The following ADARB1 variants were observed in gnomAD, a reference collection of about 807,000 sequenced individuals.
The protein encoded by ADARB1 is double-stranded RNA-specific editase 1.
Under a neutral mutation model 52.4 loss-of-function variants are expected in ADARB1, and 10 were observed. The ratio of observed to expected loss-of-function variants is 0.19; its 90% confidence interval spans 0.12 to 0.32. The LOEUF is 0.32. ADARB1 is among the 10% of genes least tolerant of loss of function. The probability of loss-of-function intolerance (pLI) is 1.00; values close to 1 mark genes in which losing one functional copy is unlikely to be tolerated. For synonymous variants in ADARB1, 349 were observed against 371.1 expected (o/e 0.94, Z 0.68); for missense variants, 643 against 922.3 (o/e 0.70, Z 3.92).
At chr21:45,136,702 C>T (rs527897334) in intron 2 of ADARB1, among the ~76,000 whole-genome samples, 6 of 152,344 alleles carry the variant, frequency 3.9e-5, no homozygotes, top group Admixed American at 2.0e-4. Flanking sequence ...AGGGGTGTCC[C>T]CGCACCCAGA....
Position 45,204,460 on chromosome 21 carries a change from T to G in ADARB1, c.1566-95T>G, listed in dbSNP as rs990956299. The G allele has an allele frequency of 3.3e-5, 41 of 1,229,130 alleles. No individual in the cohort carries two copies. The Middle Eastern group carries it at 1.1e-3, about 33-fold the overall frequency. 76.1% of individuals were successfully genotyped at this position (1,229,130 alleles called of 1,614,324 possible). A position where few individuals can be genotyped will look rare whatever the true frequency, so the allele number is the denominator to read the frequency against. On this transcript the variant is annotated intron_variant, in intron 8 of 10. Transcript: ENST00000348831. The surrounding 1 kb of genome is among the most constrained non-coding windows in gnomAD (Gnocchi z 4.4). ...GTCAGTTGGTTGGGATCCTGCGGAA[T>G]TGCCAGTGCATCCCTGTAACCACGC...
chr21:45,182,481 CTGAAAAGT>C, intron 5 of ADARB1, 96 bp from the exon 6 acceptor site: 1 of 1,306,980 alleles, frequency 7.7e-7, no homozygotes, highest in Non-Finnish European at 1.0e-6. Context: ...CTGTTGGCCC[CTGAAAAGT>C]TAAGTCACTG....
In ADARB1 at chr21:45,223,726, C is replaced by T. The variant is rs916179393; in HGVS notation, c.*1529C>T. 5 of 985,488 alleles carry T rather than the reference C, an allele frequency of 5.1e-6. No individual in the cohort carries two copies. The South Asian group carries it at 1.9e-4, about 37-fold the overall frequency. 61.0% of individuals were successfully genotyped at this position (985,488 alleles called of 1,614,324 possible). ...GGGGCAGAGGGGCGTCATCCTCCCA[C>T]CGGACGCTGGGAGCTCAGACCCCAA... On this transcript the variant is annotated 3_prime_UTR_variant, in exon 11 of 11. Transcript: ENST00000348831.
intron 1 of ADARB1, among the ~76,000 whole-genome samples, chr21:45,095,988 G>A (rs780365650): frequency 1.3e-5 from 2 of 152,194 alleles, no homozygotes; most frequent in Non-Finnish European, 2.9e-5. Context: ...TGAGAGAGCC[G>A]CACACACTGT....
chr21:45,121,701 A>T (rs1008778331), intron 1 of ADARB1, among the ~76,000 whole-genome samples: 1 of 151,976 alleles, frequency 6.6e-6, no homozygotes, highest in Non-Finnish European at 1.5e-5. Flanking sequence ...AAACCTGTCC[A>T]CTGAGCTTTT....
At chr21:45,173,430 A>G (rs1569114533) in intron 3 of ADARB1, among the ~76,000 whole-genome samples, 1 of 152,164 alleles carries the variant, frequency 6.6e-6, no homozygotes, top group African/African-American at 2.4e-5. Context: ...GTAGTATTTC[A>G]GTGTGCCCCT....
chr21:45,210,258 A>G (rs924124562), intron 9 of ADARB1, among the ~76,000 whole-genome samples: 1 of 152,200 alleles, frequency 6.6e-6, no homozygotes, highest in Non-Finnish European at 1.5e-5. Context: ...TCCTGAAAGG[A>G]ATTGAGCTCC....
chr21:45,175,602 C>A, intron 3 of ADARB1, 128 bp from the exon 4 acceptor site: 1 of 942,120 alleles, frequency 1.1e-6, no homozygotes, highest in Non-Finnish European at 1.6e-6. Context: ...ATGTATACAT[C>A]AAGGAATAAA....
chr21:45,176,847 G>A lies in ADARB1; in HGVS notation c.963+183G>A, dbSNP rs764848132. Among the ~76,000 whole-genome samples, 1 of 152,146 alleles carries A rather than the reference G, an allele frequency of 6.6e-6. No individual in the cohort carries two copies. Among genetic ancestry groups the A allele is most frequent in the African/African-American group, 2.4e-5 (1 of 41,414 alleles). The stretch of plus-strand genomic sequence containing the variant: ...ATGGCCATGTGGCCACTGAGAAGCC[G>A]TCTGCATCCTAGTGCATGCTGGGTC... On this transcript the variant is annotated intron_variant, in intron 4 of 10. Coordinates refer to ENST00000348831, the MANE Select transcript of ADARB1 (RefSeq NM_001112.4). The surrounding 1 kb of genome is among the most constrained non-coding windows in gnomAD (Gnocchi z 5.8).
intron 1 of ADARB1, among the ~76,000 whole-genome samples, chr21:45,097,680 G>A (rs1156828036): frequency 1.3e-5 from 2 of 152,166 alleles, no homozygotes; most frequent in Non-Finnish European, 2.9e-5. Flanking sequence ...CTGGACAGCT[G>A]GGAGGGAGCC....
Position 45,222,021 on chromosome 21 carries a change from C to T in ADARB1, c.1930C>T (p.Pro644Ser). Reference sequence around the variant, plus strand: ...TTGTTTTTTTATCCCTTCACAGGTTCCCTCCCACTTACTACGCTCCAAGAT... The same window carrying T: ...TTGTTTTTTTATCCCTTCACAGGTTTCCTCCCACTTACTACGCTCCAAGAT... ...CRWMRVHGKV[P>S]SHLLRSKITK... is the part of the protein sequence containing the mutation. The change falls in exon 11 of 11, where the codon CCC becomes TCC. Residue 644 changes from proline (P) to serine (S), a missense_variant. By Grantham distance (74) the Pro-to-Ser change is moderately conservative (BLOSUM62 -1). This residue lies in a region of ADARB1 where 263 missense variants were observed against 475.8 expected (regional missense o/e 0.55). Coordinates refer to ENST00000348831, the MANE Select transcript of ADARB1 (RefSeq NM_001112.4). The T allele has an allele frequency of 6.2e-7, 1 of 1,613,532 alleles. No homozygotes were observed.
In ADARB1 at chr21:45,200,998, G is replaced by A. The variant is rs979456635; in HGVS notation, c.1566-3557G>A. Among the ~76,000 whole-genome samples, 2 of 152,230 alleles carry A rather than the reference G, an allele frequency of 1.3e-5. No homozygotes were observed. The highest frequency in any genetic ancestry group is 4.8e-5 in the African/African-American group (2 of 41,450). On this transcript the variant is annotated intron_variant, in intron 8 of 10. Coordinates refer to ENST00000348831, the MANE Select transcript of ADARB1 (RefSeq NM_001112.4). The surrounding 1 kb of genome is among the most constrained non-coding windows in gnomAD (Gnocchi z 5.0). ...CAGGCACAGATGCCTAGACCCGGGT[G>A]CACTGAGCCGAGGCCATGCTGTGAG...
chr21:45,195,114 G>A (rs769699173), intron 8 of ADARB1, among the ~76,000 whole-genome samples: 28 of 152,318 alleles, frequency 1.8e-4, no homozygotes, highest in Admixed American at 1.3e-3. Flanking sequence ...TAATACACAT[G>A]TAGTAGTATC....
At chr21:45,174,865 T>A (rs1339686344) in intron 3 of ADARB1, among the ~76,000 whole-genome samples, 3 of 152,210 alleles carry the variant, frequency 2.0e-5, no homozygotes, top group Non-Finnish European at 2.9e-5. Context: ...TTCTGGAAAT[T>A]CATCAAATAA....
rs144279190 is a variant in ADARB1 at position 45,188,858 on chromosome 21, C to T, written c.1565+3767C>T. ...ATTTTCATTGCTGATAAAGACATACCTGAGACTGGGCAATTTACAAAAGAA... is the reference window on the plus strand; with the variant it reads ...ATTTTCATTGCTGATAAAGACATACTTGAGACTGGGCAATTTACAAAAGAA... On this transcript the variant is annotated intron_variant, in intron 8 of 10. Transcript: ENST00000348831. 3.5e-3 allele frequency among the ~76,000 whole-genome samples: 530 copies of T among 152,084 alleles called. 4 individuals are homozygous for T. Among genetic ancestry groups the T allele is most frequent in the African/African-American group, 0.012 (485 of 41,472 alleles).
At chr21:45,189,910 G>T (rs1190042629) in intron 8 of ADARB1, among the ~76,000 whole-genome samples, 1 of 152,058 alleles carries the variant, frequency 6.6e-6, no homozygotes, top group East Asian at 1.9e-4. Context: ...TGATTAAAAT[G>T]TGTCTTAGTG....
intron 4 of ADARB1, among the ~76,000 whole-genome samples, chr21:45,178,017 C>G (rs2091770656): frequency 6.6e-6 from 1 of 152,040 alleles, no homozygotes; most frequent in Non-Finnish European, 1.5e-5. Context: ...CAGGATTACT[C>G]TTTGCTAAAA....
Position 45,220,115 on chromosome 21 carries a change from G to T in ADARB1, c.1748-721G>T, listed in dbSNP as rs562663600. On this transcript the variant is annotated intron_variant, in intron 9 of 10. Transcript: ENST00000348831. The surrounding 1 kb of genome is among the most constrained non-coding windows in gnomAD (Gnocchi z 6.3). The stretch of plus-strand genomic sequence containing the variant: ...CAGAAGTCATGTAGCTCTGATAGGA[G>T]CGCTTTTCAAACAGATGTCTTAATC... Among the ~76,000 whole-genome samples, 1 of 151,798 alleles carries T rather than the reference G, an allele frequency of 6.6e-6. No individual in the cohort carries two copies. The highest frequency in any genetic ancestry group is 1.5e-5 in the Non-Finnish European group (1 of 68,006).
rs557816119 is a variant in ADARB1 at position 45,162,338 on chromosome 21, G to A, written c.-47-9272G>A. On this transcript the variant is annotated intron_variant, in intron 2 of 10. Transcript: ENST00000348831. ...TCCATGCCAGTGCCTAGGTCTGCCC[G>A]TCTCGCCTGCCTGGCTGTACACAAT... is the stretch of plus-strand genomic sequence containing the variant. 7.8e-4 allele frequency among the ~76,000 whole-genome samples: 119 copies of A among 152,248 alleles called. No individual in the cohort carries two copies. The Middle Eastern group carries it at 0.014, about 17-fold the overall frequency.
Sources: gnomAD v4.1 joint callset for allele counts (sites outside exome capture counted in the v4.1 genomes callset) on GRCh38, gnomAD v4.1.1 for gene constraint, gnomAD v4.1.1 regional missense constraint, Gnocchi (gnomAD v3.1) non-coding constraint, MANE v1.5 for transcripts, NCBI Gene and HGNC (gene_info 2026-07-23, HGNC 2026-07-21) for gene names.